TMEM131: variants seen among roughly 807,000 people sequenced by gnomAD.
TMEM131 encodes transmembrane protein 131.
A neutral mutation model predicts 211.6 loss-of-function variants in TMEM131; 66 were observed. The observed-to-expected ratio is 0.31, with a 90% CI of 0.26 to 0.38. The LOEUF (loss-of-function observed/expected upper bound fraction) is 0.38, where lower values mean the gene tolerates loss of function less well. Among genes scored for constraint, TMEM131 ranks in the 10% least tolerant of loss-of-function variants. The probability of loss-of-function intolerance (pLI) is 1.00; values close to 1 mark genes in which losing one functional copy is unlikely to be tolerated. For missense variants in TMEM131, 2,036 were observed against 2,299.3 expected (o/e 0.89, Z 2.34); for synonymous variants, 844 against 841.3 (o/e 1.00, Z -0.06).
In TMEM131 at chr2:97,859,436, CAAAAAG is replaced by C. The variant is rs768140700; in HGVS notation, c.360-15_360-10del. The C allele has an allele frequency of 6.5e-7, 1 of 1,531,622 alleles. No individual in the cohort carries two copies. Among genetic ancestry groups the C allele is most frequent in the African/African-American group, 1.4e-5 (1 of 70,242 alleles). 94.9% of individuals were successfully genotyped at this position (1,531,622 alleles called of 1,614,324 possible). A position where few individuals can be genotyped will look rare whatever the true frequency, so the allele number is the denominator to read the frequency against. On this transcript the variant is annotated splice_polypyrimidine_tract_variant and intron_variant, in intron 4 of 40. Transcript: ENST00000186436. ...TTGGCATTCCAACTGGTCTGTAAAA[CAAAAAG>C]AAAATTATCACAAATATTTCACAGA...
intron 1 of TMEM131, among the ~76,000 whole-genome samples, chr2:97,957,356 T>G (rs978629585): frequency 9.2e-5 from 14 of 152,232 alleles, no homozygotes; most frequent in African/African-American, 2.7e-4. Flanking sequence ...TTTTTAAAAT[T>G]TATTTAGTCA....
intron 11 of TMEM131, among the ~76,000 whole-genome samples, chr2:97,832,004 CAAAAAAAAAAAA>C (rs770432398): frequency 5.0e-5 from 3 of 60,272 alleles, no homozygotes; most frequent in Middle Eastern, 0.015. Context: ...AAGTCACTTC[CAAAAAAAAAAAA>C]AAAAAAAAAA....
intron 31 of TMEM131, among the ~76,000 whole-genome samples, chr2:97,776,337 G>C (rs146554721): frequency 0.041 from 6,270 of 152,228 alleles, 230 homozygotes; most frequent in African/African-American, 0.096. Context: ...TTACAGGCGT[G>C]AGCCACCATG....
intron 17 of TMEM131, 131 bp from the exon 18 acceptor site, chr2:97,811,363 A>G (rs989777081): frequency 7.6e-5 from 52 of 687,096 alleles, no homozygotes; most frequent in Non-Finnish European, 9.0e-5. Flanking sequence ...CTGAATTACC[A>G]TATCACTGTG....
chr2:97,811,763 C>G (rs540304074), intron 17 of TMEM131, among the ~76,000 whole-genome samples: 5 of 152,366 alleles, frequency 3.3e-5, no homozygotes, highest in Admixed American at 3.3e-4. Context: ...TTTTGTAAAA[C>G]TGCCCCAAGA....
chr2:97,761,876 G>A (rs1327631256), intron 36 of TMEM131, 159 bp downstream of exon 36: 4 of 747,712 alleles, frequency 5.3e-6, no homozygotes, highest in African/African-American at 1.8e-5. Flanking sequence ...GCAGGAAGCG[G>A]GGGTGGACCC....
At chr2:97,982,482 G>A (rs1679843336) in intron 1 of TMEM131, among the ~76,000 whole-genome samples, 2 of 151,636 alleles carry the variant, frequency 1.3e-5, no homozygotes, top group Admixed American at 6.6e-5. Context: ...TTTCTTTATA[G>A]GGCTTTTTAA....
At chr2:97,952,555 G>A (rs1290079342) in intron 1 of TMEM131, among the ~76,000 whole-genome samples, 1 of 152,110 alleles carries the variant, frequency 6.6e-6, no homozygotes, top group Non-Finnish European at 1.5e-5. Flanking sequence ...CTTAAATGCT[G>A]AAATATAAGA....
chr2:97,784,788 G>C (rs949295421), intron 31 of TMEM131, among the ~76,000 whole-genome samples: 3 of 151,928 alleles, frequency 2.0e-5, no homozygotes, highest in African/African-American at 7.3e-5. Context: ...GATAAGCAAC[G>C]GAGAAAAATC....
chr2:97,773,728 G>C (rs992139460), intron 32 of TMEM131, among the ~76,000 whole-genome samples: 2 of 151,398 alleles, frequency 1.3e-5, no homozygotes, highest in East Asian at 3.9e-4. Flanking sequence ...TCAGCCTCCT[G>C]AGTAGCTAGG....
chr2:97,927,446 C>T lies in TMEM131; in HGVS notation c.229G>A (p.Asp77Asn). 6.3e-7 allele frequency: 1 copy of T among 1,589,358 alleles called. No individual in the cohort carries two copies. Among genetic ancestry groups the T allele is most frequent in the Non-Finnish European group, 8.6e-7 (1 of 1,168,414 alleles). ...SESIIEVLRFDDGGLLQTETT... is the reference protein window; with the variant it reads ...SESIIEVLRFNDGGLLQTETT... ...ATTACCTGTAGTAGCCCTCCATCAT[C>T]AAAACGCAGTACTTCTATTATGCTC... Residue 77 changes from aspartate to asparagine, a missense_variant, in exon 2 of 41, where the codon GAT (aspartate) becomes AAT (asparagine). By Grantham distance (23) the Asp-to-Asn change is conservative (BLOSUM62 1). Around this residue, in one of 3 missense-constraint regions of TMEM131, gnomAD observed 136 missense variants for 115.4 expected, o/e 1.18. Transcript: ENST00000186436.
chr2:97,963,031 C>A (rs1335949581), intron 1 of TMEM131, among the ~76,000 whole-genome samples: 7 of 152,176 alleles, frequency 4.6e-5, no homozygotes, highest in African/African-American at 1.7e-4. Flanking sequence ...TGATTGCTAA[C>A]AGGCACAGGG....
chr2:97,815,792 G>A (rs547588438), intron 12 of TMEM131, among the ~76,000 whole-genome samples: 1 of 152,136 alleles, frequency 6.6e-6, no homozygotes, highest in Non-Finnish European at 1.5e-5. Flanking sequence ...TCCCCTTGGA[G>A]GCAAAATTAC....
In TMEM131 at chr2:97,987,457, C is replaced by T. The variant is rs535766921; in HGVS notation, c.187+8019G>A. On this transcript the variant is annotated intron_variant, in intron 1 of 40. Coordinates refer to ENST00000186436, the MANE Select transcript of TMEM131 (RefSeq NM_015348.2). ...GACAGAGGCTGCAGTAAGCTGAGAT[C>T]GCACCACTGTACTCCAGCCTGGCAA... Among the ~76,000 whole-genome samples, 21 of 152,124 alleles carry T rather than the reference C, an allele frequency of 1.4e-4. No homozygotes were observed. The South Asian group carries it at 3.3e-3, about 24-fold the overall frequency.
In TMEM131 at chr2:97,919,812, C is replaced by T. The variant is rs141345192; in HGVS notation, c.249+7614G>A. Among the ~76,000 whole-genome samples, 896 of 152,314 alleles carry T rather than the reference C, an allele frequency of 5.9e-3. 15 individuals carry two copies. The highest frequency in any genetic ancestry group is 0.021 in the African/African-American group (856 of 41,566). On this transcript the variant is annotated intron_variant, in intron 2 of 40. Coordinates refer to ENST00000186436, the MANE Select transcript of TMEM131 (RefSeq NM_015348.2). ...CTCGAACTCCTGACCTCAAGTGATC[C>T]ACCTGCCTCAGCCTCCCAAAGTACT...
At chr2:97,830,048 A>G (rs1682587182) in intron 11 of TMEM131, among the ~76,000 whole-genome samples, 1 of 150,866 alleles carries the variant, frequency 6.6e-6, no homozygotes, top group Admixed American at 6.6e-5. Flanking sequence ...CTACCTTAAA[A>G]TACGCTGCAG....
At chr2:97,970,007 T>A (rs115047550) in intron 1 of TMEM131, among the ~76,000 whole-genome samples, 6,214 of 152,168 alleles carry the variant, frequency 0.041, 225 homozygotes, top group African/African-American at 0.094. Context: ...CCATTCTCCT[T>A]GTTGATGAAG....
intron 1 of TMEM131, among the ~76,000 whole-genome samples, chr2:97,978,596 G>C (rs1435171345): frequency 7.2e-5 from 11 of 152,122 alleles, no homozygotes; most frequent in African/African-American, 2.7e-4. Flanking sequence ...CAGTGCTCAG[G>C]AGGTCCTTGA....
intron 31 of TMEM131, among the ~76,000 whole-genome samples, chr2:97,780,061 A>AC (rs1205914479): frequency 6.6e-6 from 1 of 152,090 alleles, no homozygotes; most frequent in East Asian, 1.9e-4. Context: ...AAACAAACAA[A>AC]AAAAAACAAA....
Sources: gnomAD v4.1 joint callset for allele counts (sites outside exome capture counted in the v4.1 genomes callset) on GRCh38, gnomAD v4.1.1 for gene constraint, gnomAD v4.1.1 regional missense constraint, MANE v1.5 for transcripts, NCBI Gene and HGNC (gene_info 2026-07-23, HGNC 2026-07-21) for gene names.